The following NTM variants were observed in gnomAD, a reference collection of about 807,000 sequenced individuals.
The protein encoded by NTM is IgLON family member 2.
NTM carries 13 observed loss-of-function variants against 42.1 expected under a neutral mutation model. The observed-to-expected ratio is 0.31, with a 90% CI of 0.20 to 0.49. The LOEUF (loss-of-function observed/expected upper bound fraction) is 0.49. Among genes scored for constraint, NTM ranks in the 20% least tolerant of loss-of-function variants. The probability of loss-of-function intolerance (pLI) is 0.99; values close to 1 mark genes in which losing one functional copy is unlikely to be tolerated. For synonymous variants in NTM, 187 were observed against 179.2 expected, an observed-to-expected ratio of 1.04 and a Z score of -0.35; for missense variants, 373 against 452.8, an observed-to-expected ratio of 0.82 and a Z score of 1.60.
chr11:131,947,474 C>T (rs1379611541), intron 2 of NTM, among the ~76,000 whole-genome samples: 1 of 152,116 alleles, frequency 6.6e-6, no homozygotes, highest in African/African-American at 2.4e-5. Context: ...GAAATCCCAG[C>T]ACCTACAGAG....
chr11:132,152,265 G>T (rs530511015), intron 3 of NTM, among the ~76,000 whole-genome samples: 2 of 152,334 alleles, frequency 1.3e-5, no homozygotes, highest in Admixed American at 1.3e-4. Context: ...GAGCTCTGCA[G>T]ATCTTTGCAC....
intron 1 of NTM, among the ~76,000 whole-genome samples, chr11:131,657,552 A>G (rs1011933483): frequency 4.6e-5 from 7 of 152,164 alleles, no homozygotes; most frequent in African/African-American, 1.7e-4. Context: ...ACACTTCTCC[A>G]CTGTCTCCTC....
At chr11:132,013,830 TG>T (rs1222631611) in intron 2 of NTM, among the ~76,000 whole-genome samples, 1 of 152,092 alleles carries the variant, frequency 6.6e-6, no homozygotes, top group Non-Finnish European at 1.5e-5. Context: ...GTGATCAAGT[TG>T]GGGGGTTTAG....
At chr11:131,982,049 A>G (rs1347478320) in intron 2 of NTM, among the ~76,000 whole-genome samples, 1 of 151,952 alleles carries the variant, frequency 6.6e-6, no homozygotes, top group Non-Finnish European at 1.5e-5. Flanking sequence ...CAAGCAAACA[A>G]AAAAACCCAC....
chr11:131,696,806 C>T (rs1358928837), intron 1 of NTM, among the ~76,000 whole-genome samples: 1 of 152,146 alleles, frequency 6.6e-6, no homozygotes, highest in Non-Finnish European at 1.5e-5. Flanking sequence ...CACACACACA[C>T]ACACAAGGCA....
intron 3 of NTM, among the ~76,000 whole-genome samples, chr11:132,199,877 G>A (rs1489759130): frequency 1.3e-5 from 2 of 151,898 alleles, no homozygotes; most frequent in Non-Finnish European, 2.9e-5. Flanking sequence ...AATCTCGGGG[G>A]GAGATAAAGG....
intron 1 of NTM, among the ~76,000 whole-genome samples, chr11:131,735,658 C>T (rs766032901): frequency 9.9e-5 from 15 of 152,172 alleles, no homozygotes; most frequent in Non-Finnish European, 1.3e-4. Flanking sequence ...GCTAAACCGC[C>T]ACCTGTGTTT....
intron 1 of NTM, chr11:131,796,194 G>T (rs1385327540): frequency 1.0e-6 from 1 of 983,438 alleles, no homozygotes; most frequent in East Asian, 1.1e-4. Flanking sequence ...AAAGGAAAAG[G>T]TTAAGGTGGT....
At chr11:132,138,787 C>T (rs2068501929) in intron 2 of NTM, among the ~76,000 whole-genome samples, 1 of 152,110 alleles carries the variant, frequency 6.6e-6, no homozygotes, top group African/African-American at 2.4e-5. Context: ...TTCATTCTGT[C>T]CAGACCCTCA....
At chr11:131,380,299 C>A (rs988112343) in intron 1 of NTM, among the ~76,000 whole-genome samples, 2 of 151,724 alleles carry the variant, frequency 1.3e-5, no homozygotes. Flanking sequence ...CCTCCGCCTC[C>A]CGGGTTCAAG....
At chr11:131,484,550 G>C (rs1953954209) in intron 1 of NTM, among the ~76,000 whole-genome samples, 1 of 152,188 alleles carries the variant, frequency 6.6e-6, no homozygotes, top group African/African-American at 2.4e-5. Flanking sequence ...CAGAGGTGAA[G>C]AGAGGCTGAT....
intron 1 of NTM, among the ~76,000 whole-genome samples, chr11:131,612,492 G>C (rs2061540960): frequency 6.6e-6 from 1 of 152,186 alleles, no homozygotes; most frequent in Non-Finnish European, 1.5e-5. Context: ...TGAAATGTAT[G>C]AATAAAATGT....
At chr11:132,139,055 G>A (rs1004038179) in intron 2 of NTM, among the ~76,000 whole-genome samples, 5 of 152,152 alleles carry the variant, frequency 3.3e-5, no homozygotes, top group East Asian at 3.9e-4. Context: ...CTGAACTTTC[G>A]GCACTTCTGG....
chr11:131,590,390 G>T (rs60195833), intron 1 of NTM, among the ~76,000 whole-genome samples: 6,237 of 152,246 alleles, frequency 0.041, 408 homozygotes, highest in African/African-American at 0.14. Flanking sequence ...TACCAGAGGA[G>T]AAGAACCAAG....
At chr11:131,667,787 C>T (rs530998795) in intron 1 of NTM, among the ~76,000 whole-genome samples, 6 of 152,302 alleles carry the variant, frequency 3.9e-5, no homozygotes, top group African/African-American at 1.4e-4. Flanking sequence ...GACGCCCTCC[C>T]CACATGCCTG....
chr11:131,734,842 G>A (rs1328411146), intron 1 of NTM, among the ~76,000 whole-genome samples: 3 of 152,090 alleles, frequency 2.0e-5, no homozygotes, highest in Non-Finnish European at 4.4e-5. Flanking sequence ...CCACCCAGGA[G>A]CTGTTCAGAC....
At chr11:132,178,909 G>A (rs2077172674) in intron 3 of NTM, among the ~76,000 whole-genome samples, 1 of 152,168 alleles carries the variant, frequency 6.6e-6, no homozygotes, top group Non-Finnish European at 1.5e-5. Flanking sequence ...TTGTATTAAT[G>A]AATTCAAAGC....
At chr11:132,275,561 T>C (rs552119881) in intron 4 of NTM, among the ~76,000 whole-genome samples, 5 of 151,604 alleles carry the variant, frequency 3.3e-5, no homozygotes, top group Admixed American at 6.6e-5. Flanking sequence ...TTTCCACATA[T>C]ATTGCAGAGC....
chr11:131,902,077 A>G (rs1255753822), intron 1 of NTM, among the ~76,000 whole-genome samples: 1 of 152,246 alleles, frequency 6.6e-6, no homozygotes, highest in Non-Finnish European at 1.5e-5. Flanking sequence ...CACGATGGTA[A>G]TGCATACAGG....
Sources: allele counts gnomAD v4.1 joint callset (sites outside exome capture counted in the v4.1 genomes callset), GRCh38; gene constraint gnomAD v4.1.1; transcripts MANE v1.5; gene names NCBI Gene and HGNC (gene_info 2026-07-23, HGNC 2026-07-21).